ARID2: variants seen among roughly 807,000 people sequenced by gnomAD.
ARID2 encodes the protein AT-rich interactive domain-containing protein 2.
ARID2 carries 32 observed loss-of-function variants against 184.6 expected under a neutral mutation model. That is an observed-to-expected ratio of 0.17 (90% confidence interval 0.13 to 0.23). ARID2 has a LOEUF of 0.23. Ranked by LOEUF, ARID2 falls within the 10% of genes least tolerant of loss-of-function variation. The pLI, the probability that ARID2 is intolerant of heterozygous loss-of-function variation, is 1.00. For synonymous variants in ARID2, 836 were observed against 772.6 expected, an observed-to-expected ratio of 1.08 and a Z score of -1.36; for missense variants, 1,696 against 2,197.6, an observed-to-expected ratio of 0.77 and a Z score of 4.56.
At chr12:45,761,783 T>G (rs1454643377) in intron 3 of ARID2, among the ~76,000 whole-genome samples, 1 of 152,152 alleles carries the variant, frequency 6.6e-6, no homozygotes, top group African/African-American at 2.4e-5. Context: ...TGCAAAATTC[T>G]GTCATTTTTT....
intron 3 of ARID2, among the ~76,000 whole-genome samples, chr12:45,786,025 A>G (rs987001754): frequency 6.6e-6 from 1 of 152,204 alleles, no homozygotes; most frequent in Non-Finnish European, 1.5e-5. Context: ...CATATTTCAA[A>G]AAACCTTTAT....
intron 11 of ARID2, chr12:45,840,757 A>G (rs542160201): frequency 1.3e-3 from 194 of 152,224 alleles, no homozygotes; most frequent in African/African-American, 4.6e-3. Context: ...TTTGTCTTCT[A>G]CTCCAACTTG....
chr12:45,778,563 T>G (rs1405795967), intron 3 of ARID2, among the ~76,000 whole-genome samples: 1 of 152,110 alleles, frequency 6.6e-6, no homozygotes, highest in African/African-American at 2.4e-5. Context: ...CCTAGATAGA[T>G]CTATATTTGC....
intron 3 of ARID2, among the ~76,000 whole-genome samples, chr12:45,735,981 C>G (rs1263949764): frequency 1.3e-5 from 2 of 152,184 alleles, no homozygotes; most frequent in Non-Finnish European, 2.9e-5. Context: ...TAGAAGCACT[C>G]TTTCATAATC....
intron 16 of ARID2, among the ~76,000 whole-genome samples, chr12:45,872,252 G>T (rs1187713186): frequency 1.3e-5 from 2 of 151,902 alleles, no homozygotes; most frequent in Non-Finnish European, 2.9e-5. Flanking sequence ...TAGTATATAA[G>T]TTCAATGCTA....
Position 45,839,496 on chromosome 12 carries a change from G to C in ARID2, c.1498G>C (p.Ala500Pro), listed in dbSNP as rs2138137775. Residue 500 changes from alanine to proline, a missense_variant and splice_region_variant, in exon 11 of 21, where the codon GCT (alanine) becomes CCT (proline). Coordinates refer to ENST00000334344, the MANE Select transcript of ARID2 (RefSeq NM_152641.4). ...CCAGACTCATGTAGCATCTGCCCCA[G>C]GTTAGTGTTTTCACATATTCTTTTT... ...QTQTHVASAP[A>P]SRAVVAQHVA... 6.2e-7 allele frequency: 1 copy of C among 1,606,758 alleles called. No individual in the cohort carries two copies. The highest frequency in any genetic ancestry group is 8.5e-7 in the Non-Finnish European group (1 of 1,177,786).
intron 16 of ARID2, among the ~76,000 whole-genome samples, chr12:45,889,649 G>T (rs1944260021): frequency 6.6e-6 from 1 of 152,168 alleles, no homozygotes; most frequent in African/African-American, 2.4e-5. Flanking sequence ...TAAAACTCAG[G>T]TATCGGCCAG....
intron 3 of ARID2, among the ~76,000 whole-genome samples, chr12:45,746,655 T>G (rs1408843733): frequency 2.0e-5 from 3 of 152,172 alleles, no homozygotes. Flanking sequence ...TAACTCATTT[T>G]CTCTTCACAC....
In ARID2 at chr12:45,851,739, A is replaced by G. The variant is rs779140610; in HGVS notation, c.3616A>G (p.Thr1206Ala). 6.8e-6 allele frequency: 11 copies of G among 1,614,032 alleles called. No individual in the cohort carries two copies. The highest frequency in any genetic ancestry group is 9.3e-6 in the Non-Finnish European group (11 of 1,180,002). ...TCCAGCAGGAATTACCATGAGCGGA[A>G]CGCAGACAGGAGTTGGACTTCCAGT... ...IAPAGITMSG[T>A]QTGVGLPVQT... The change falls in exon 15 of 21, where the codon ACG (threonine) becomes GCG (alanine). Residue 1206 changes from threonine to alanine, a missense_variant. Coordinates refer to ENST00000334344, the MANE Select transcript of ARID2 (RefSeq NM_152641.4).
chr12:45,802,545 T>G (rs1339382087), intron 3 of ARID2, among the ~76,000 whole-genome samples: 2 of 152,206 alleles, frequency 1.3e-5, no homozygotes, highest in African/African-American at 4.8e-5. Context: ...GGGTAGATTG[T>G]CTTTATTGCC....
intron 1 of ARID2, 53 bp from the exon 2 acceptor site, chr12:45,729,991 G>A (rs1940945682): frequency 1.2e-6 from 2 of 1,607,132 alleles, no homozygotes; most frequent in South Asian, 2.2e-5. Context: ...TCTCCCGCCC[G>A]GGCCGGGCAC....
chr12:45,777,747 A>T (rs1475372752), intron 3 of ARID2, among the ~76,000 whole-genome samples: 1 of 150,520 alleles, frequency 6.6e-6, no homozygotes, highest in African/African-American at 2.4e-5. Context: ...CGTAGATTAT[A>T]GGGACTAAGT....
chr12:45,765,125 T>C (rs905668384), intron 3 of ARID2, among the ~76,000 whole-genome samples: 5 of 152,246 alleles, frequency 3.3e-5, no homozygotes, highest in Non-Finnish European at 1.5e-5. Context: ...TTTTAATATA[T>C]GTTTTTTTCC....
At chr12:45,869,267 G>A (rs546335883) in intron 16 of ARID2, among the ~76,000 whole-genome samples, 6 of 152,120 alleles carry the variant, frequency 3.9e-5, no homozygotes, top group East Asian at 1.9e-4. Context: ...TGCCTGCCTC[G>A]GCCTCCCAAA....
chr12:45,816,505 A>G (rs1942804661), intron 4 of ARID2, among the ~76,000 whole-genome samples: 1 of 152,224 alleles, frequency 6.6e-6, no homozygotes, highest in Non-Finnish European at 1.5e-5. Flanking sequence ...CACTTTGGAA[A>G]ACAGTTTCAC....
At chr12:45,753,830 G>A (rs1941513980) in intron 3 of ARID2, among the ~76,000 whole-genome samples, 1 of 152,108 alleles carries the variant, frequency 6.6e-6, no homozygotes, top group South Asian at 2.1e-4. Context: ...CTGGACTCAA[G>A]CGATCTGCCC....
At chr12:45,861,109 A>G (rs1478961139) in intron 16 of ARID2, among the ~76,000 whole-genome samples, 160 bp downstream of exon 16, 4 of 152,252 alleles carry the variant, frequency 2.6e-5, no homozygotes, top group Admixed American at 2.6e-4. Context: ...ATGTGGACCT[A>G]AACTAAGAAA....
chr12:45,847,078 AG>A, intron 12 of ARID2, 141 bp downstream of exon 12: 1 of 617,718 alleles, frequency 1.6e-6, no homozygotes, highest in South Asian at 2.9e-5. Context: ...ACACAAAGAA[AG>A]GACACTTTAA....
chr12:45,798,791 C>T (rs1173396031), intron 3 of ARID2, among the ~76,000 whole-genome samples: 2 of 152,064 alleles, frequency 1.3e-5, no homozygotes, highest in Admixed American at 6.5e-5. Flanking sequence ...CCTGTAAATA[C>T]TTTATTCATT....
Sources: allele counts gnomAD v4.1 joint callset (sites outside exome capture counted in the v4.1 genomes callset), GRCh38; gene constraint gnomAD v4.1.1; transcripts MANE v1.5; gene names NCBI Gene and HGNC (gene_info 2026-07-23, HGNC 2026-07-21).